Variants in LRRTM4 observed in about 807,000 individuals in gnomAD.
The protein encoded by LRRTM4 is leucine rich repeat transmembrane neuronal 4, also known as leucine-rich repeat transmembrane neuronal protein 4.
LRRTM4 carries 25 observed loss-of-function variants against 47.6 expected under a neutral mutation model. That is an observed-to-expected ratio of 0.53 (90% CI 0.38 to 0.73). LRRTM4 has a LOEUF of 0.73. Ranked by LOEUF, LRRTM4 falls within the 30% of genes least tolerant of loss-of-function variation. LRRTM4 has a pLI of 0.00. For synonymous variants in LRRTM4, 311 were observed against 269.5 expected (o/e 1.15, Z -1.51); for missense variants, 638 against 713.4 (o/e 0.89, Z 1.20).
intron 3 of LRRTM4, among the ~76,000 whole-genome samples, chr2:77,420,205 A>T (rs1674820747): frequency 6.6e-6 from 1 of 152,180 alleles, no homozygotes; most frequent in Non-Finnish European, 1.5e-5. Flanking sequence ...GTGTCTTGTC[A>T]TGTGGACCTC....
chr2:76,912,509 T>G (rs1305111534), intron 3 of LRRTM4, among the ~76,000 whole-genome samples: 1 of 152,158 alleles, frequency 6.6e-6, no homozygotes, highest in Non-Finnish European at 1.5e-5. Context: ...CACAAGCAAT[T>G]GGTAATGTCG....
chr2:76,875,007 T>C (rs576188296), intron 3 of LRRTM4, among the ~76,000 whole-genome samples: 32 of 152,210 alleles, frequency 2.1e-4, no homozygotes, highest in South Asian at 2.1e-4. Flanking sequence ...CCTGCCAATA[T>C]CTCTGATCTG....
intron 3 of LRRTM4, among the ~76,000 whole-genome samples, chr2:76,991,423 T>C (rs1462841028): frequency 1.3e-5 from 2 of 151,142 alleles, no homozygotes; most frequent in Admixed American, 1.3e-4. Flanking sequence ...AAAAAGAAGA[T>C]TGCCCAAGTA....
At chr2:77,091,726 G>A (rs1386808554) in intron 3 of LRRTM4, among the ~76,000 whole-genome samples, 1 of 149,656 alleles carries the variant, frequency 6.7e-6, no homozygotes, top group East Asian at 2.0e-4. Context: ...TACCTAGGCT[G>A]TACTGCCTGC....
At chr2:77,161,485 T>A (rs1343154551) in intron 3 of LRRTM4, among the ~76,000 whole-genome samples, 1 of 152,186 alleles carries the variant, frequency 6.6e-6, no homozygotes, top group Non-Finnish European at 1.5e-5. Flanking sequence ...TTCTTTATAG[T>A]GATACTTGTT....
At chr2:77,124,651 A>T (rs1175159184) in intron 3 of LRRTM4, among the ~76,000 whole-genome samples, 1 of 152,168 alleles carries the variant, frequency 6.6e-6, no homozygotes, top group Non-Finnish European at 1.5e-5. Flanking sequence ...TATTGGAGTC[A>T]TTCTCAATAT....
Position 76,994,855 on chromosome 2 carries a change from A to C in LRRTM4, c.1552-245939T>G, listed in dbSNP as rs115636643. ...CCCTACTATCAACAATAATGCACAC[A>C]AAGTTTTATTTAAAAAAAGCTAGGG... On this transcript the variant is annotated intron_variant, in intron 3 of 3. Coordinates refer to ENST00000409884, the MANE Select transcript of LRRTM4 (RefSeq NM_001134745.3). Among the ~76,000 whole-genome samples the C allele has an allele frequency of 4.9e-3, 749 of 152,114 alleles. 9 individuals carry two copies. Among genetic ancestry groups the C allele is most frequent in the African/African-American group, 0.017 (700 of 41,542 alleles).
At chr2:77,308,002 C>A (rs1363477262) in intron 3 of LRRTM4, among the ~76,000 whole-genome samples, 1 of 133,906 alleles carries the variant, frequency 7.5e-6, no homozygotes, top group African/African-American at 2.8e-5. Context: ...ATATATACAA[C>A]ATATATGTTA....
At chr2:76,966,452 T>TA in intron 3 of LRRTM4, among the ~76,000 whole-genome samples, 1 of 151,578 alleles carries the variant, frequency 6.6e-6, no homozygotes, top group East Asian at 2.0e-4. Flanking sequence ...TACTTAGTAA[T>TA]AAAAGAAACA....
chr2:77,049,850 T>G (rs999941064), intron 3 of LRRTM4, among the ~76,000 whole-genome samples: 23 of 152,044 alleles, frequency 1.5e-4, no homozygotes, highest in Non-Finnish European at 8.8e-5. Flanking sequence ...GAGATCTTGT[T>G]CATGAAATCT....
At chr2:77,111,463 T>G (rs1671248048) in intron 3 of LRRTM4, among the ~76,000 whole-genome samples, 1 of 152,018 alleles carries the variant, frequency 6.6e-6, no homozygotes, top group African/African-American at 2.4e-5. Flanking sequence ...CTTTCCAAGG[T>G]TTCAGTTACC....
At chr2:76,829,716 G>A (rs2103889092) in intron 3 of LRRTM4, among the ~76,000 whole-genome samples, 1 of 152,084 alleles carries the variant, frequency 6.6e-6, no homozygotes. Flanking sequence ...TCTTTGGGAT[G>A]TTGATATTAT....
intron 3 of LRRTM4, among the ~76,000 whole-genome samples, chr2:77,123,140 G>A (rs936789897): frequency 2.0e-5 from 3 of 151,216 alleles, no homozygotes; most frequent in African/African-American, 7.3e-5. Flanking sequence ...AAATAGATCA[G>A]TTGACGCAAG....
chr2:76,981,156 A>T (rs951352354), intron 3 of LRRTM4, among the ~76,000 whole-genome samples: 2 of 152,144 alleles, frequency 1.3e-5, no homozygotes, highest in Non-Finnish European at 2.9e-5. Flanking sequence ...GATAGTGTTC[A>T]TTCATTCGTT....
At chr2:76,816,299 C>A (rs999909518) in intron 3 of LRRTM4, among the ~76,000 whole-genome samples, 1 of 152,132 alleles carries the variant, frequency 6.6e-6, no homozygotes, top group African/African-American at 2.4e-5. Flanking sequence ...CTAGTGCCCA[C>A]TGGCTGCTTT....
At chr2:77,512,840 A>G (rs1341105211) in intron 3 of LRRTM4, among the ~76,000 whole-genome samples, 1 of 152,122 alleles carries the variant, frequency 6.6e-6, no homozygotes, top group Non-Finnish European at 1.5e-5. Context: ...AGTCTTCAAG[A>G]GCAATCATTT....
intron 3 of LRRTM4, among the ~76,000 whole-genome samples, chr2:77,315,651 T>C (rs1379997564): frequency 6.6e-6 from 1 of 151,482 alleles, no homozygotes; most frequent in Non-Finnish European, 1.5e-5. Flanking sequence ...CTTTGAGCAA[T>C]TTTTTTTTGG....
intron 3 of LRRTM4, among the ~76,000 whole-genome samples, chr2:77,252,026 A>G (rs1409059508): frequency 1.3e-5 from 2 of 152,210 alleles, no homozygotes; most frequent in Non-Finnish European, 2.9e-5. Flanking sequence ...GACAGATAAC[A>G]GTATGCAAGA....
At chr2:77,407,241 G>T (rs1016558669) in intron 3 of LRRTM4, among the ~76,000 whole-genome samples, 3 of 151,962 alleles carry the variant, frequency 2.0e-5, no homozygotes, top group African/African-American at 7.3e-5. Flanking sequence ...AGGGACAAGT[G>T]AAATAATATT....
Sources: gnomAD v4.1 joint callset for allele counts (sites outside exome capture counted in the v4.1 genomes callset) on GRCh38, gnomAD v4.1.1 for gene constraint, MANE v1.5 for transcripts, NCBI Gene and HGNC (gene_info 2026-07-23, HGNC 2026-07-21) for gene names.